Variants in OSBPL1A observed in about 807,000 individuals in gnomAD.
The protein encoded by OSBPL1A is oxysterol binding protein like 1A.
Under a neutral mutation model 137.1 loss-of-function variants are expected in OSBPL1A, and 80 were observed. The observed-to-expected ratio is 0.58, with a 90% CI of 0.49 to 0.70. The LOEUF (loss-of-function observed/expected upper bound fraction) is 0.70, where lower values mean the gene tolerates loss of function less well. OSBPL1A is among the 30% of genes least tolerant of loss of function. The pLI is 0.00. For synonymous variants in OSBPL1A, 365 were observed against 389.7 expected (o/e 0.94, Z 0.75); for missense variants, 970 against 1,129.4 (o/e 0.86, Z 2.02).
At chr18:24,279,343 C>T (rs1462758967) in intron 15 of OSBPL1A, among the ~76,000 whole-genome samples, 2 of 151,328 alleles carry the variant, frequency 1.3e-5, no homozygotes, top group Non-Finnish European at 2.9e-5. Context: ...GTGGGAGGAT[C>T]ACTTGAGCCC....
intron 14 of OSBPL1A, among the ~76,000 whole-genome samples, chr18:24,303,252 T>G (rs2090437760): frequency 6.6e-6 from 1 of 152,126 alleles, no homozygotes; most frequent in Admixed American, 6.5e-5. Context: ...CCACATGCCT[T>G]GGCCTCACAA....
intron 2 of OSBPL1A, among the ~76,000 whole-genome samples, chr18:24,371,609 CTAAAG>C (rs2146198977): frequency 6.6e-6 from 1 of 152,266 alleles, no homozygotes; most frequent in East Asian, 1.9e-4. Flanking sequence ...TGTCTCCCAT[CTAAAG>C]AGGAAACATA....
chr18:24,331,304 G>T (rs914339409), intron 7 of OSBPL1A, among the ~76,000 whole-genome samples: 7 of 152,152 alleles, frequency 4.6e-5, no homozygotes, highest in Non-Finnish European at 7.3e-5. Context: ...GCAGGGTCCT[G>T]TGGGACCCCT....
chr18:24,268,256 C>T (rs2089631176), intron 15 of OSBPL1A, among the ~76,000 whole-genome samples: 1 of 152,166 alleles, frequency 6.6e-6, no homozygotes, highest in Non-Finnish European at 1.5e-5. Flanking sequence ...GCTGGGACCA[C>T]AGGTGCACAC....
chr18:24,165,195 A>C lies in OSBPL1A; in HGVS notation c.2660-40T>G, dbSNP rs530181146. 2.6e-6 allele frequency: 4 copies of C among 1,559,148 alleles called. No homozygotes were observed. The South Asian group carries it at 3.3e-5, about 13-fold the overall frequency. On this transcript the variant is annotated intron_variant, in intron 26 of 27. Transcript: ENST00000319481. The stretch of plus-strand genomic sequence containing the variant: ...TCAACACAAACCATTAACACTCTAC[A>C]CAGAGGATGCCAGGCACAGTATTAA...
chr18:24,316,373 T>A (rs778297680), intron 11 of OSBPL1A, among the ~76,000 whole-genome samples: 28 of 151,690 alleles, frequency 1.8e-4, no homozygotes, highest in Non-Finnish European at 3.7e-4. Context: ...AAGGCAAAAA[T>A]TGCCAGAATG....
At chr18:24,203,998 G>A (rs142543829) in intron 17 of OSBPL1A, among the ~76,000 whole-genome samples, 4 of 152,054 alleles carry the variant, frequency 2.6e-5, no homozygotes, top group South Asian at 2.1e-4. Flanking sequence ...AAAATATTTC[G>A]ATATATGATG....
At chr18:24,301,430 T>A (rs2090397890) in intron 14 of OSBPL1A, 1 of 152,234 alleles carries the variant, frequency 6.6e-6, no homozygotes, top group Non-Finnish European at 1.5e-5. Context: ...ATCTTCATAT[T>A]TCGTATCACT....
intron 15 of OSBPL1A, among the ~76,000 whole-genome samples, chr18:24,277,895 A>G (rs1020567441): frequency 5.9e-5 from 9 of 152,246 alleles, no homozygotes; most frequent in Admixed American, 2.6e-4. Flanking sequence ...ATAATTACTC[A>G]GAAGATACCT....
chr18:24,239,351 T>C lies in OSBPL1A; in HGVS notation c.1313A>G (p.Glu438Gly). ...VRNFKLEQEQ[E>G]KNKILSEALE... ...TGCTTCTGACAAGATTTTGTTTTTT[T>C]CTTGCTCTTGTTCCAATTTAAAATT... The change falls in exon 16 of 28, where the codon GAA becomes GGA. Residue 438 changes from glutamate to glycine, a missense_variant. By Grantham distance (98) the Glu-to-Gly change is moderately conservative. Transcript: ENST00000319481. The C allele has an allele frequency of 1.2e-6, 2 of 1,614,036 alleles. No homozygotes were observed. Among genetic ancestry groups the C allele is most frequent in the Non-Finnish European group, 1.7e-6 (2 of 1,179,956 alleles).
intron 13 of OSBPL1A, chr18:24,311,320 G>T: frequency 7.2e-6 from 2 of 279,124 alleles, no homozygotes; most frequent in Non-Finnish European, 1.1e-5. Flanking sequence ...TAATTATTCA[G>T]ACTGAAACTC....
At chr18:24,280,059 G>C (rs1213575313) in intron 15 of OSBPL1A, among the ~76,000 whole-genome samples, 2 of 152,024 alleles carry the variant, frequency 1.3e-5, no homozygotes, top group African/African-American at 4.8e-5. Flanking sequence ...TGATTCTCTT[G>C]CCTCAGCCTC....
In OSBPL1A at chr18:24,309,456, T is replaced by C. The variant is rs2090573118; in HGVS notation, c.1092+2528A>G. On this transcript the variant is annotated intron_variant, in intron 13 of 27. Coordinates refer to ENST00000319481, the MANE Select transcript of OSBPL1A (RefSeq NM_080597.4). ...ACCTCAGCCTTTCCCTCATTTCTTA[T>C]AGGTCTGTGTACTAATCCAAAAGCA... 3.3e-5 allele frequency among the ~76,000 whole-genome samples: 5 copies of C among 152,198 alleles called. No individual in the cohort carries two copies. The South Asian group carries it at 1.0e-3, about 31-fold the overall frequency.
At chr18:24,269,667 TTA>T (rs1429429665) in intron 15 of OSBPL1A, among the ~76,000 whole-genome samples, 4 of 152,132 alleles carry the variant, frequency 2.6e-5, no homozygotes, top group African/African-American at 9.7e-5. Flanking sequence ...GAAAGGAAAA[TTA>T]TGTCTGCCTA....
intron 17 of OSBPL1A, among the ~76,000 whole-genome samples, chr18:24,203,608 G>A (rs1277383386): frequency 6.6e-6 from 1 of 151,948 alleles, no homozygotes; most frequent in African/African-American, 2.4e-5. Flanking sequence ...GTCTTTCCCC[G>A]CTTTGTTCTT....
chr18:24,213,681 T>G (rs544899520), intron 17 of OSBPL1A, among the ~76,000 whole-genome samples: 1 of 152,208 alleles, frequency 6.6e-6, no homozygotes, highest in Admixed American at 6.5e-5. Flanking sequence ...AAATTACTTA[T>G]CTATAGTCTA....
intron 13 of OSBPL1A, among the ~76,000 whole-genome samples, chr18:24,310,061 GA>G (rs1204969640): frequency 0.011 from 1,135 of 104,222 alleles, 7 homozygotes; most frequent in African/African-American, 0.023. Flanking sequence ...AAAAAAAAAA[GA>G]AAAAAAAAAA....
At chr18:24,315,355 A>G (rs1004360445) in intron 11 of OSBPL1A, among the ~76,000 whole-genome samples, 10 of 151,990 alleles carry the variant, frequency 6.6e-5, no homozygotes, top group African/African-American at 2.4e-4. Flanking sequence ...TCTGCTACTC[A>G]CATCTCTGAC....
chr18:24,370,071 A>AT (rs1329575106), intron 2 of OSBPL1A, among the ~76,000 whole-genome samples: 2 of 152,176 alleles, frequency 1.3e-5, no homozygotes, highest in Non-Finnish European at 2.9e-5. Flanking sequence ...AGAATTAAAA[A>AT]ATTAGCCAGG....
Sources: allele counts gnomAD v4.1 joint callset (sites outside exome capture counted in the v4.1 genomes callset), GRCh38; gene constraint gnomAD v4.1.1; transcripts MANE v1.5; gene names NCBI Gene and HGNC (gene_info 2026-07-23, HGNC 2026-07-21).